The following GALNTL6 variants were observed in gnomAD, a reference collection of about 807,000 sequenced individuals.
The protein encoded by GALNTL6 is polypeptide N-acetylgalactosaminyltransferase like 6.
A neutral mutation model predicts 73.7 loss-of-function variants in GALNTL6; 46 were observed. The ratio of observed to expected loss-of-function variants is 0.62; its 90% CI spans 0.49 to 0.80. The LOEUF (loss-of-function observed/expected upper bound fraction) is 0.80. Ranked by LOEUF, GALNTL6 falls within the 30% of genes least tolerant of loss-of-function variation. GALNTL6 has a pLI of 0.00. For missense variants in GALNTL6, 604 were observed against 755.0 expected, an observed-to-expected ratio of 0.80 and a Z score of 2.34; for synonymous variants, 259 against 263.7, an observed-to-expected ratio of 0.98 and a Z score of 0.17.
intron 5 of GALNTL6, among the ~76,000 whole-genome samples, chr4:172,545,947 T>C (rs1225208111): frequency 6.6e-6 from 1 of 152,124 alleles, no homozygotes; most frequent in Non-Finnish European, 1.5e-5. Flanking sequence ...ACAATAGCAA[T>C]CATGAAAAAA....
intron 5 of GALNTL6, among the ~76,000 whole-genome samples, chr4:172,648,195 G>T (rs1216056846): frequency 1.3e-5 from 2 of 152,102 alleles, no homozygotes; most frequent in Non-Finnish European, 2.9e-5. Context: ...CATGAGCTGG[G>T]CTACTGAAGT....
At chr4:172,908,214 T>C (rs1747008230) in intron 8 of GALNTL6, among the ~76,000 whole-genome samples, 1 of 152,160 alleles carries the variant, frequency 6.6e-6, no homozygotes, top group African/African-American at 2.4e-5. Flanking sequence ...TTTCTAACAA[T>C]ATTGTTGGAC....
At chr4:172,177,863 AC>A (rs1735098122) in intron 2 of GALNTL6, among the ~76,000 whole-genome samples, 1 of 147,012 alleles carries the variant, frequency 6.8e-6, no homozygotes, top group African/African-American at 2.5e-5. Context: ...ATACACACAT[AC>A]TAAGGCATGC....
intron 10 of GALNTL6, among the ~76,000 whole-genome samples, chr4:173,008,730 G>A (rs892730576): frequency 2.0e-5 from 3 of 152,212 alleles, no homozygotes; most frequent in Non-Finnish European, 4.4e-5. Flanking sequence ...TTCTCATGTT[G>A]ATCCATTTCC....
chr4:172,470,291 C>G (rs1358778809), intron 5 of GALNTL6, among the ~76,000 whole-genome samples: 1 of 152,088 alleles, frequency 6.6e-6, no homozygotes, highest in Non-Finnish European at 1.5e-5. Context: ...TATTCAAAAC[C>G]AACTGGACTC....
chr4:171,968,166 A>C (rs775679706), intron 2 of GALNTL6, among the ~76,000 whole-genome samples: 7 of 151,912 alleles, frequency 4.6e-5, no homozygotes, highest in Middle Eastern at 3.4e-3. Flanking sequence ...TTAATGCCGG[A>C]ATGCCCCTTG....
At chr4:171,918,512 G>A (rs75426394) in intron 2 of GALNTL6, among the ~76,000 whole-genome samples, 4,848 of 151,978 alleles carry the variant, frequency 0.032, 231 homozygotes, top group East Asian at 0.14. Context: ...TCTTTCTCCC[G>A]GAATATTTAA....
chr4:172,852,571 G>T (rs1743889182), intron 7 of GALNTL6, among the ~76,000 whole-genome samples: 1 of 152,140 alleles, frequency 6.6e-6, no homozygotes, highest in South Asian at 2.1e-4. Context: ...TTGCAGCATT[G>T]AGTTTACCTA....
chr4:172,559,043 T>C (rs1372859210), intron 5 of GALNTL6, among the ~76,000 whole-genome samples: 2 of 143,624 alleles, frequency 1.4e-5, no homozygotes, highest in Admixed American at 7.2e-5. Context: ...GTAAGGATGA[T>C]GATAATGATA....
chr4:172,908,108 T>C (rs1433345939), intron 8 of GALNTL6, among the ~76,000 whole-genome samples: 1 of 152,200 alleles, frequency 6.6e-6, no homozygotes, highest in Non-Finnish European at 1.5e-5. Context: ...GAATGACCCA[T>C]GTCCCAGGCA....
chr4:172,374,652 C>T (rs115337539), intron 5 of GALNTL6, among the ~76,000 whole-genome samples: 3,620 of 152,220 alleles, frequency 0.024, 64 homozygotes, highest in Middle Eastern at 0.044. Flanking sequence ...TGATCTGAGT[C>T]GAGGTCTTAG....
intron 5 of GALNTL6, among the ~76,000 whole-genome samples, chr4:172,764,629 C>G (rs1471117725): frequency 2.0e-5 from 3 of 152,118 alleles, no homozygotes; most frequent in South Asian, 4.2e-4. Flanking sequence ...AATAAATGCT[C>G]AATTGTTGAG....
intron 5 of GALNTL6, among the ~76,000 whole-genome samples, chr4:172,376,554 C>A (rs1176652414): frequency 6.6e-6 from 1 of 152,192 alleles, no homozygotes; most frequent in Non-Finnish European, 1.5e-5. Context: ...GAAAGCCTGA[C>A]ACCTGTGTCT....
At chr4:171,914,181 A>G (rs1475583732) in intron 2 of GALNTL6, among the ~76,000 whole-genome samples, 1 of 152,156 alleles carries the variant, frequency 6.6e-6, no homozygotes, top group Non-Finnish European at 1.5e-5. Flanking sequence ...GGTAAGTAAT[A>G]AAACACCCCT....
intron 5 of GALNTL6, among the ~76,000 whole-genome samples, chr4:172,629,755 TG>T (rs1579260978): frequency 6.6e-6 from 1 of 152,164 alleles, no homozygotes; most frequent in African/African-American, 2.4e-5. Flanking sequence ...GGAATTCCAA[TG>T]ATGATGTAGA....
At chr4:172,799,455 G>A (rs1740482163) in intron 5 of GALNTL6, among the ~76,000 whole-genome samples, 3 of 152,272 alleles carry the variant, frequency 2.0e-5, no homozygotes, top group East Asian at 3.9e-4. Flanking sequence ...ATTTGTCATT[G>A]TCAATACTCA....
chr4:171,899,795 C>T lies in GALNTL6; in HGVS notation c.138+85077C>T, dbSNP rs142320693. 3.0e-4 allele frequency among the ~76,000 whole-genome samples: 46 copies of T among 152,242 alleles called. 1 individual carries two copies. The East Asian group carries it at 8.7e-3, about 29-fold the overall frequency. On this transcript the variant is annotated intron_variant, in intron 2 of 12. Transcript: ENST00000506823. ...AATATGGAGAATTCGTGCTAAAAACCATTTCACTTATTGCAGGTCTTTCTT... is the reference window on the plus strand; with the variant it reads ...AATATGGAGAATTCGTGCTAAAAACTATTTCACTTATTGCAGGTCTTTCTT...
intron 5 of GALNTL6, among the ~76,000 whole-genome samples, chr4:172,633,253 T>G (rs924288992): frequency 7.9e-5 from 12 of 151,918 alleles, no homozygotes; most frequent in African/African-American, 2.9e-4. Flanking sequence ...CCACAGACAC[T>G]CAACACCAGC....
chr4:172,775,795 T>C (rs1739040190), intron 5 of GALNTL6, among the ~76,000 whole-genome samples: 1 of 152,198 alleles, frequency 6.6e-6, no homozygotes, highest in East Asian at 1.9e-4. Context: ...AGACCTCATC[T>C]TGATGGACTT....
Sources: gnomAD v4.1 joint callset for allele counts (sites outside exome capture counted in the v4.1 genomes callset) on GRCh38, gnomAD v4.1.1 for gene constraint, MANE v1.5 for transcripts, NCBI Gene and HGNC (gene_info 2026-07-23, HGNC 2026-07-21) for gene names.